Variants in TUSC3 observed in about 807,000 individuals in gnomAD.
TUSC3 encodes tumor suppressor candidate 3, also known as dolichyl-diphosphooligosaccharide--protein glycosyltransferase subunit TUSC3.
In TUSC3, 45 loss-of-function variants were observed where a neutral mutation model predicts 44.8. The observed-to-expected ratio is 1.00, with a 90% CI of 0.79 to 1.29. The LOEUF (loss-of-function observed/expected upper bound fraction) is 1.29. TUSC3 is among the 50% of genes most tolerant of loss of function. The probability of loss-of-function intolerance (pLI) is 0.00; values close to 1 mark genes in which losing one functional copy is unlikely to be tolerated. For synonymous variants in TUSC3, 212 were observed against 152.9 expected, an observed-to-expected ratio of 1.39 and a Z score of -2.85; for missense variants, 519 against 437.9, an observed-to-expected ratio of 1.19 and a Z score of -1.65.
chr8:15,752,511 A>G (rs1811751092), intron 9 of TUSC3, among the ~76,000 whole-genome samples: 4 of 152,150 alleles, frequency 2.6e-5, no homozygotes. Context: ...AAAACTAATA[A>G]TTATTTTTCC....
intron 2 of TUSC3, among the ~76,000 whole-genome samples, chr8:15,525,465 TA>T (rs1248505740): frequency 6.6e-6 from 1 of 152,226 alleles, no homozygotes; most frequent in Non-Finnish European, 1.5e-5. Flanking sequence ...CTATTATTTT[TA>T]AATAAGTTGC....
At chr8:15,641,594 C>G (rs987234745) in intron 2 of TUSC3, among the ~76,000 whole-genome samples, 6 of 152,136 alleles carry the variant, frequency 3.9e-5, no homozygotes, top group African/African-American at 1.4e-4. Flanking sequence ...TTACTAGAGA[C>G]TTCGTTATGC....
intron 6 of TUSC3, among the ~76,000 whole-genome samples, chr8:15,697,491 A>G (rs925979414): frequency 6.6e-6 from 1 of 152,108 alleles, no homozygotes; most frequent in Non-Finnish European, 1.5e-5. Flanking sequence ...TGTCTTTGTG[A>G]GGGTGCCAAG....
intron 5 of TUSC3, among the ~76,000 whole-genome samples, chr8:15,666,573 CCATT>C (rs1807670833): frequency 6.6e-6 from 1 of 151,314 alleles, no homozygotes. Flanking sequence ...TTTCTTGTGA[CCATT>C]CAAAGTTACA....
chr8:15,824,019 C>CA, the TUSC3 span, among the ~76,000 whole-genome samples: 1 of 152,234 alleles, frequency 6.6e-6, no homozygotes, highest in African/African-American at 2.4e-5. Context: ...TTTTGGTTCT[C>CA]AAAAAATTTT....
chr8:15,733,456 C>T (rs1479898878), intron 7 of TUSC3: 5 of 359,636 alleles, frequency 1.4e-5, no homozygotes, highest in Admixed American at 7.8e-5. Flanking sequence ...GAATACCGAG[C>T]TGAAGGATGA....
intron 1 of TUSC3, among the ~76,000 whole-genome samples, chr8:15,466,982 A>T (rs542357217): frequency 6.6e-6 from 1 of 152,148 alleles, no homozygotes; most frequent in Admixed American, 6.5e-5. Flanking sequence ...TCATGACTTT[A>T]CCCTTCTTTT....
chr8:15,684,711 A>G (rs1349981520), intron 6 of TUSC3, among the ~76,000 whole-genome samples: 3 of 152,074 alleles, frequency 2.0e-5, no homozygotes, highest in Admixed American at 2.0e-4. Context: ...CTGCTTCCCC[A>G]CTCAAGCTAA....
At chr8:15,753,212 C>G (rs1224827749) in intron 9 of TUSC3, among the ~76,000 whole-genome samples, 1 of 151,990 alleles carries the variant, frequency 6.6e-6, no homozygotes, top group Non-Finnish European at 1.5e-5. Flanking sequence ...TCCAGCTATT[C>G]TACTGTCCAA....
chr8:15,593,551 A>G (rs1803941813), intron 1 of TUSC3, among the ~76,000 whole-genome samples: 2 of 152,234 alleles, frequency 1.3e-5, no homozygotes, highest in Non-Finnish European at 2.9e-5. Context: ...GTTATTTTTT[A>G]AACTTTGTTT....
chr8:15,561,088 TAG>T (rs1480971861), intron 1 of TUSC3, among the ~76,000 whole-genome samples: 1 of 122,766 alleles, frequency 8.1e-6, no homozygotes, highest in African/African-American at 3.0e-5. Context: ...CTCTGCGTTT[TAG>T]AGTTTCCAGT....
At chr8:15,734,618 A>C (rs1287977983) in intron 7 of TUSC3, among the ~76,000 whole-genome samples, 8 of 152,188 alleles carry the variant, frequency 5.3e-5, no homozygotes, top group Non-Finnish European at 8.8e-5. Context: ...CTGTTTACAG[A>C]AAGGTAGGAT....
chr8:15,693,580 C>CT (rs879497044), intron 6 of TUSC3, among the ~76,000 whole-genome samples: 3 of 149,342 alleles, frequency 2.0e-5, no homozygotes, highest in South Asian at 2.1e-4. Context: ...GCTGCCTTAG[C>CT]TTTTTTTTCC....
chr8:15,507,342 C>T (rs912322862), intron 2 of TUSC3, among the ~76,000 whole-genome samples: 1 of 152,192 alleles, frequency 6.6e-6, no homozygotes. Context: ...ATTTTTTCAG[C>T]TATCTCTCAT....
At chr8:15,834,257 T>A in the TUSC3 span, among the ~76,000 whole-genome samples, 1 of 152,068 alleles carries the variant, frequency 6.6e-6, no homozygotes, top group Non-Finnish European at 1.5e-5. Context: ...CATATTGACC[T>A]TGCACTTTCA....
intron 1 of TUSC3, among the ~76,000 whole-genome samples, chr8:15,433,706 C>T (rs1203829723): frequency 6.6e-6 from 1 of 152,130 alleles, no homozygotes; most frequent in Non-Finnish European, 1.5e-5. Flanking sequence ...AGCACATACT[C>T]ACTTTGCCTG....
intron 7 of TUSC3, among the ~76,000 whole-genome samples, chr8:15,742,328 A>G (rs546195444): frequency 6.8e-5 from 10 of 147,366 alleles, no homozygotes; most frequent in South Asian, 6.5e-4. Context: ...AACAAATACA[A>G]TAGTTTGAAA....
At chr8:15,654,229 T>C (rs575222781) in intron 3 of TUSC3, among the ~76,000 whole-genome samples, 3 of 152,326 alleles carry the variant, frequency 2.0e-5, no homozygotes, top group South Asian at 4.1e-4. Flanking sequence ...TATAATTTTG[T>C]ATTTACATGG....
intron 2 of TUSC3, among the ~76,000 whole-genome samples, chr8:15,642,950 C>T (rs142720164): frequency 6.6e-6 from 1 of 152,056 alleles, no homozygotes; most frequent in African/African-American, 2.4e-5. Flanking sequence ...ATATTATAAT[C>T]ATATGTAGTA....
Sources: allele counts gnomAD v4.1 joint callset (sites outside exome capture counted in the v4.1 genomes callset), GRCh38; gene constraint gnomAD v4.1.1; transcripts MANE v1.5; gene names NCBI Gene and HGNC (gene_info 2026-07-23, HGNC 2026-07-21).